The following TUSC3 variants were observed in gnomAD, a reference collection of about 807,000 sequenced individuals.
TUSC3 encodes tumor suppressor candidate 3, also known as dolichyl-diphosphooligosaccharide--protein glycosyltransferase subunit TUSC3.
A neutral mutation model predicts 44.8 loss-of-function variants in TUSC3; 45 were observed. The observed-to-expected ratio is 1.00, with a 90% CI of 0.79 to 1.29. The LOEUF is 1.29. Among genes scored for constraint, TUSC3 ranks in the 50% most tolerant of loss-of-function variants. The pLI is 0.00. For missense variants in TUSC3, 519 were observed against 437.9 expected (o/e 1.19, Z -1.65); for synonymous variants, 212 against 152.9 (o/e 1.39, Z -2.85).
chr8:15,622,980 C>T (rs1805319800), intron 1 of TUSC3, 100 bp from the exon 2 acceptor site: 1 of 1,205,468 alleles, frequency 8.3e-7, no homozygotes, highest in Admixed American at 2.2e-5. Context: ...ACTTGGATAT[C>T]ATTAGGAAAA....
At chr8:15,754,922 A>G (rs2129221775) in intron 9 of TUSC3, among the ~76,000 whole-genome samples, 1 of 152,180 alleles carries the variant, frequency 6.6e-6, no homozygotes, top group South Asian at 2.1e-4. Context: ...AAAACCTTAA[A>G]CATCTATGCC....
chr8:15,741,319 A>C (rs1213100616), intron 7 of TUSC3, among the ~76,000 whole-genome samples: 1 of 152,196 alleles, frequency 6.6e-6, no homozygotes, highest in Non-Finnish European at 1.5e-5. Context: ...GAATTGAGGA[A>C]GCTGCTTATT....
intron 2 of TUSC3, among the ~76,000 whole-genome samples, chr8:15,517,262 G>T (rs578161421): frequency 6.6e-6 from 1 of 152,170 alleles, no homozygotes; most frequent in Admixed American, 6.5e-5. Flanking sequence ...TTTGTGTAGT[G>T]TTGTAAAAAT....
At chr8:15,608,358 A>G (rs17577565) in intron 1 of TUSC3, among the ~76,000 whole-genome samples, 24,647 of 152,034 alleles carry the variant, frequency 0.16, 2,203 homozygotes, top group South Asian at 0.25. Flanking sequence ...ATAAATTCCA[A>G]TATAAAATAG....
chr8:15,436,164 C>A (rs1009654095), intron 1 of TUSC3, among the ~76,000 whole-genome samples: 1 of 152,152 alleles, frequency 6.6e-6, no homozygotes, highest in African/African-American at 2.4e-5. Context: ...TGGCTTCCCT[C>A]AAAGAGAGTG....
chr8:15,711,187 ACTT>A (rs760013813), intron 6 of TUSC3, among the ~76,000 whole-genome samples: 8 of 151,602 alleles, frequency 5.3e-5, no homozygotes, highest in East Asian at 3.9e-4. Flanking sequence ...GTAATGAAAC[ACTT>A]CTTCTGAAAA....
the TUSC3 span, among the ~76,000 whole-genome samples, chr8:15,774,280 G>T: frequency 6.6e-6 from 1 of 152,130 alleles, no homozygotes; most frequent in African/African-American, 2.4e-5. Flanking sequence ...GAGTACTTCA[G>T]AGTACATCCT....
At chr8:15,488,553 T>G (rs1800765045) in intron 2 of TUSC3, among the ~76,000 whole-genome samples, 1 of 152,132 alleles carries the variant, frequency 6.6e-6, no homozygotes, top group African/African-American at 2.4e-5. Flanking sequence ...CAATGTTGTG[T>G]CCCCACCAAA....
At chr8:15,492,797 G>T (rs1290137650) in intron 2 of TUSC3, among the ~76,000 whole-genome samples, 1 of 150,190 alleles carries the variant, frequency 6.7e-6, no homozygotes, top group Non-Finnish European at 1.5e-5. Context: ...AAAAAAAAGT[G>T]TAATAATATG....
intron 1 of TUSC3, among the ~76,000 whole-genome samples, chr8:15,549,694 AT>A (rs1013048281): frequency 5.3e-5 from 8 of 151,440 alleles, no homozygotes; most frequent in African/African-American, 1.5e-4. Flanking sequence ...GTTTTTTAGA[AT>A]TTTCAAGGGG....
At chr8:15,807,018 T>C in the TUSC3 span, 7 of 1,435,836 alleles carry the variant, frequency 4.9e-6, no homozygotes, top group Non-Finnish European at 4.9e-6. Context: ...AAGGTGCTCC[T>C]GCAGACCCTG....
chr8:15,477,538 T>G (rs544603007), intron 1 of TUSC3, among the ~76,000 whole-genome samples: 1 of 151,920 alleles, frequency 6.6e-6, no homozygotes, highest in African/African-American at 2.4e-5. Flanking sequence ...CTGGCTAACA[T>G]GGTGAAATCC....
At chr8:15,556,593 T>C (rs1398024470) in intron 1 of TUSC3, among the ~76,000 whole-genome samples, 1 of 147,484 alleles carries the variant, frequency 6.8e-6, no homozygotes, top group Non-Finnish European at 1.5e-5. Context: ...ACTTCCACAA[T>C]GGTTGAACTA....
At chr8:15,479,910 T>G (rs934801474) in intron 1 of TUSC3, among the ~76,000 whole-genome samples, 2 of 152,188 alleles carry the variant, frequency 1.3e-5, no homozygotes, top group African/African-American at 4.8e-5. Flanking sequence ...CACCATAGTC[T>G]CAGCCTAAAA....
chr8:15,778,105 A>AAAC, the TUSC3 span, among the ~76,000 whole-genome samples: 1 of 141,664 alleles, frequency 7.1e-6, no homozygotes, highest in African/African-American at 2.6e-5. Context: ...AAGGCAAAAA[A>AAAC]AAAAAACAAA....
At chr8:15,422,534 C>G (rs1324982687) in intron 1 of TUSC3, among the ~76,000 whole-genome samples, 1 of 152,144 alleles carries the variant, frequency 6.6e-6, no homozygotes, top group African/African-American at 2.4e-5. Context: ...TAGTTGATAA[C>G]AATGTGTTAT....
intron 2 of TUSC3, among the ~76,000 whole-genome samples, chr8:15,493,101 C>T: frequency 6.6e-6 from 1 of 152,144 alleles, no homozygotes; most frequent in South Asian, 2.1e-4. Context: ...AAAAAAAATC[C>T]TGCAAGGTAG....
At chr8:15,529,078 T>C (rs1289662885) in intron 2 of TUSC3, among the ~76,000 whole-genome samples, 2 of 152,250 alleles carry the variant, frequency 1.3e-5, no homozygotes, top group African/African-American at 2.4e-5. Flanking sequence ...AGTGACATAC[T>C]GTTTGCTTGA....
chr8:15,601,092 C>G (rs185526669), intron 1 of TUSC3, among the ~76,000 whole-genome samples: 15 of 151,724 alleles, frequency 9.9e-5, no homozygotes, highest in African/African-American at 3.6e-4. Context: ...TGTTAAAGGT[C>G]AGCAGATTTG....
Sources: gnomAD v4.1 joint callset for allele counts (sites outside exome capture counted in the v4.1 genomes callset) on GRCh38, gnomAD v4.1.1 for gene constraint, MANE v1.5 for transcripts, NCBI Gene and HGNC (gene_info 2026-07-23, HGNC 2026-07-21) for gene names.